ADAMTS12: variants seen among roughly 807,000 people sequenced by gnomAD.
ADAMTS12 encodes A disintegrin and metalloproteinase with thrombospondin motifs 12.
In ADAMTS12, 118 loss-of-function variants were observed where a neutral mutation model predicts 167.8. The observed-to-expected ratio is 0.70, with a 90% confidence interval of 0.61 to 0.82. The LOEUF (loss-of-function observed/expected upper bound fraction) is 0.82. ADAMTS12 is among the 40% of genes least tolerant of loss of function. The pLI, the probability that ADAMTS12 is intolerant of heterozygous loss-of-function variation, is 0.00. For synonymous variants in ADAMTS12, 704 were observed against 716.9 expected (o/e 0.98, Z 0.29); for missense variants, 1,916 against 1,998.8 (o/e 0.96, Z 0.79).
chr5:33,734,980 A>G (rs886928260), intron 3 of ADAMTS12, among the ~76,000 whole-genome samples: 4 of 152,242 alleles, frequency 2.6e-5, no homozygotes, highest in African/African-American at 7.2e-5. Flanking sequence ...CTAGAATTTC[A>G]GATGTCTGGT....
chr5:33,697,434 G>A (rs772507000), intron 3 of ADAMTS12, among the ~76,000 whole-genome samples: 3 of 152,210 alleles, frequency 2.0e-5, no homozygotes, highest in African/African-American at 7.2e-5. Context: ...TTACAGAGAT[G>A]AGTAAAAGCA....
rs372216705 is a variant in ADAMTS12 at position 33,861,377 on chromosome 5, A to G, written c.489+19742T>C. Among the ~76,000 whole-genome samples the G allele has an allele frequency of 1.2e-4, 18 of 152,282 alleles. No individual in the cohort carries two copies. In the South Asian group the frequency reaches 3.7e-3, roughly 32 times the overall value. ...GAAGAAAAAAAGCAGGGTTTGCAAT[A>G]CTAGTTTCTGATAAAACAGACTTTA... On this transcript the variant is annotated intron_variant, in intron 2 of 23. Coordinates refer to ENST00000504830, the MANE Select transcript of ADAMTS12 (RefSeq NM_030955.4).
At chr5:33,560,878 C>G in intron 20 of ADAMTS12, 149 bp downstream of exon 20, 1 of 1,079,206 alleles carries the variant, frequency 9.3e-7, no homozygotes, top group Non-Finnish European at 1.3e-6. Context: ...ATGTAACAAA[C>G]CTGAACGTTG....
intron 2 of ADAMTS12, among the ~76,000 whole-genome samples, chr5:33,872,996 C>T (rs1424020394): frequency 6.6e-6 from 1 of 152,064 alleles, no homozygotes; most frequent in Non-Finnish European, 1.5e-5. Context: ...TAGAAGCTTT[C>T]CCACTAAGAT....
chr5:33,632,396 A>AAAACAAACAAACAAAC (rs70964407), intron 12 of ADAMTS12, among the ~76,000 whole-genome samples: 2,979 of 151,162 alleles, frequency 0.02, 52 homozygotes, highest in South Asian at 0.057. Flanking sequence ...CCTGAATCCA[A>AAAACAAACAAACAAAC]AAACAAACAA....
intron 21 of ADAMTS12, among the ~76,000 whole-genome samples, chr5:33,548,241 C>G (rs367919651): frequency 2.6e-5 from 4 of 152,164 alleles, no homozygotes; most frequent in Non-Finnish European, 5.9e-5. Context: ...TGGGCTAGTT[C>G]CACATCATAG....
chr5:33,854,157 T>C (rs1402567388), intron 2 of ADAMTS12, among the ~76,000 whole-genome samples: 1 of 152,214 alleles, frequency 6.6e-6, no homozygotes, highest in Non-Finnish European at 1.5e-5. Context: ...TTACAGGACA[T>C]AAAAACCAGG....
At chr5:33,891,684 G>A in intron 1 of ADAMTS12, 46 bp downstream of exon 1, 2 of 1,611,298 alleles carry the variant, frequency 1.2e-6, no homozygotes, top group Non-Finnish European at 1.7e-6. Context: ...ATTCCCGCAA[G>A]TCTTACCACC....
intron 3 of ADAMTS12, among the ~76,000 whole-genome samples, chr5:33,715,402 G>T (rs150410231): frequency 5.8e-4 from 88 of 152,156 alleles, no homozygotes; most frequent in Non-Finnish European, 1.1e-3. Context: ...GCAGTTGTGG[G>T]CATTGTTGGT....
rs778993540 is a variant in ADAMTS12, at chr5:33,615,994, AG to A, written c.2221del (p.Leu741TrpfsTer13). 6.2e-7 allele frequency: 1 copy of A among 1,614,190 alleles called. No individual in the cohort carries two copies. The highest frequency in any genetic ancestry group is 1.1e-5 in the South Asian group (1 of 91,082). Reference sequence around the variant, plus strand: ...TTCAGGATCTTCACTCCTGATGGCCAGGAAGTTTCCAGCTCCCTCAATTTCC... The same window carrying A: ...TTCAGGATCTTCACTCCTGATGGCCAGAAGTTTCCAGCTCCCTCAATTTCC... ...VMEIEGAGNFLAIRSEDPEKY... is the reference protein window; with the variant it reads ...VMEIEGAGNFXAIRSEDPEKY... On this transcript the variant is annotated frameshift_variant, in exon 15 of 24. Coordinates refer to ENST00000504830, the MANE Select transcript of ADAMTS12 (RefSeq NM_030955.4). LOFTEE classifies it high-confidence loss of function.
chr5:33,572,683 T>C (rs928787582), intron 19 of ADAMTS12, among the ~76,000 whole-genome samples: 7 of 144,502 alleles, frequency 4.8e-5, no homozygotes, highest in South Asian at 4.5e-4. Flanking sequence ...CTTTGAAAAC[T>C]GGCACAAGAC....
At chr5:33,887,158 T>C (rs559711701) in intron 1 of ADAMTS12, among the ~76,000 whole-genome samples, 62 of 151,996 alleles carry the variant, frequency 4.1e-4, no homozygotes, top group Non-Finnish European at 6.0e-4. Flanking sequence ...GATGGAGAAA[T>C]AGGTGTCAAG....
intron 22 of ADAMTS12, among the ~76,000 whole-genome samples, chr5:33,537,314 GTTTCCT>G (rs995652774): frequency 6.6e-6 from 1 of 152,206 alleles, no homozygotes; most frequent in African/African-American, 2.4e-5. Flanking sequence ...TTGAAGTATG[GTTTCCT>G]TGGAAACTAG....
intron 1 of ADAMTS12, among the ~76,000 whole-genome samples, chr5:33,883,195 C>T (rs975659259): frequency 2.0e-5 from 3 of 152,152 alleles, no homozygotes; most frequent in African/African-American, 7.2e-5. Context: ...GAATCTTGCA[C>T]ATCACAGGTG....
At chr5:33,555,518 G>A (rs1346748953) in intron 20 of ADAMTS12, among the ~76,000 whole-genome samples, 3 of 152,076 alleles carry the variant, frequency 2.0e-5, no homozygotes, top group East Asian at 1.9e-4. Context: ...CAAAGTGCTG[G>A]GATTATAGGC....
chr5:33,541,566 G>A (rs1744697954), intron 22 of ADAMTS12, among the ~76,000 whole-genome samples: 1 of 152,198 alleles, frequency 6.6e-6, no homozygotes. Context: ...AGGAAAAAAT[G>A]TTAAGGGGAG....
At chr5:33,760,917 GT>G (rs1745331942) in intron 2 of ADAMTS12, among the ~76,000 whole-genome samples, 1 of 147,732 alleles carries the variant, frequency 6.8e-6, no homozygotes, top group African/African-American at 2.5e-5. Flanking sequence ...GTGTGTGTGT[GT>G]GTGCGTATGC....
chr5:33,779,672 C>T (rs1436549316), intron 2 of ADAMTS12, among the ~76,000 whole-genome samples: 1 of 152,152 alleles, frequency 6.6e-6, no homozygotes, highest in East Asian at 1.9e-4. Context: ...TTTGCAACAA[C>T]ATGGATGAAC....
chr5:33,821,822 T>G (rs1747881109), intron 2 of ADAMTS12, among the ~76,000 whole-genome samples: 2 of 152,156 alleles, frequency 1.3e-5, no homozygotes, highest in Non-Finnish European at 2.9e-5. Context: ...ACCCTTTCAA[T>G]CCTCTTAATG....
Sources: allele counts gnomAD v4.1 joint callset (sites outside exome capture counted in the v4.1 genomes callset), GRCh38; gene constraint gnomAD v4.1.1; transcripts MANE v1.5; gene names NCBI Gene and HGNC (gene_info 2026-07-23, HGNC 2026-07-21).